The following TNK2 variants were observed in gnomAD, a reference collection of about 807,000 sequenced individuals.
TNK2 encodes activated CDC42 kinase 1.
TNK2 carries 83 observed loss-of-function variants against 101.8 expected under a neutral mutation model. The ratio of observed to expected loss-of-function variants is 0.82; its 90% CI spans 0.68 to 0.98. TNK2 has a LOEUF of 0.98. Among genes scored for constraint, TNK2 ranks in the 50% least tolerant of loss-of-function variants. The pLI, the probability that TNK2 is intolerant of heterozygous loss-of-function variation, is 0.00. For synonymous variants in TNK2, 804 were observed against 633.0 expected (o/e 1.27, Z -4.06); for missense variants, 1,665 against 1,483.2 (o/e 1.12, Z -2.01).
Position 195,888,464 on chromosome 3 carries a change from T to C in TNK2, c.125A>G (p.Lys42Arg), listed in dbSNP as rs1757060259. The change falls in exon 2 of 16, where the codon AAG becomes AGG. Residue 42 changes from lysine to arginine, a missense_variant. Lys to Arg is a conservative substitution (Grantham distance 26). Coordinates refer to ENST00000672887, the MANE Select transcript of TNK2 (RefSeq NM_001382273.1). The surrounding 1 kb of genome is among the most constrained non-coding windows in gnomAD (Gnocchi z 5.3). ...VTRLSHFEYV[K>R]NEDLEKIGMG... The stretch of plus-strand genomic sequence containing the variant: ...GCCGATCTTCTCCAGGTCCTCATTC[T>C]TGACGTACTCAAAGTGGGACAGGCG... 1.9e-6 allele frequency: 3 copies of C among 1,613,932 alleles called. No homozygotes were observed. The highest frequency in any genetic ancestry group is 1.7e-6 in the Non-Finnish European group (2 of 1,179,988).
rs765868482 is a variant in TNK2 at position 195,895,199 on chromosome 3, G to C, written c.-18-6593C>G. ...TGAGCCCGGCTCACAGCAGACGAAGGGGTCTGGGGCCCAGGTATCTGGCTA... is the reference window on the plus strand; with the variant it reads ...TGAGCCCGGCTCACAGCAGACGAAGCGGTCTGGGGCCCAGGTATCTGGCTA... On this transcript the variant is annotated intron_variant, in intron 1 of 15. Transcript: ENST00000672887. 4 of 1,450,916 alleles carry C rather than the reference G, an allele frequency of 2.8e-6. No homozygotes were observed. The South Asian group carries it at 5.8e-5, about 21-fold the overall frequency. 89.9% of individuals were successfully genotyped at this position (1,450,916 alleles called of 1,614,324 possible).
Position 195,886,740 on chromosome 3 carries a change from G to A in TNK2, c.234+237C>T, listed in dbSNP as rs12629675. On this transcript the variant is annotated intron_variant, in intron 3 of 15. Transcript: ENST00000672887. The surrounding 1 kb of genome is among the most constrained non-coding windows in gnomAD (Gnocchi z 4.2). The stretch of plus-strand genomic sequence containing the variant: ...AGGCGTGCCGAGAGGGGCTGTGAAG[G>A]CCTCACCGCACACAGGCTGCTCACG... 6.6e-6 allele frequency among the ~76,000 whole-genome samples: 1 copy of A among 152,278 alleles called. No individual in the cohort carries two copies. Among genetic ancestry groups the A allele is most frequent in the Admixed American group, 6.5e-5 (1 of 15,300 alleles).
chr3:195,869,519 A>G lies in TNK2; in HGVS notation c.1566T>C (p.Pro522=), dbSNP rs182355191. Reference sequence around the variant, plus strand: ...TACTCTGAGTGAAGAAGGCAGGCTGAGGTGGGCGAGGTGGAGGCTCCCCTG... The same window carrying G: ...TACTCTGAGTGAAGAAGGCAGGCTGGGGTGGGCGAGGTGGAGGCTCCCCTG... ...GVKREPPPRP[P]QPAFFTQKPT... Residue 522 remains proline, a synonymous_variant, in exon 12 of 16, where the codon CCT becomes CCC. Transcript: ENST00000672887. 11 of 1,550,988 alleles carry G rather than the reference A, an allele frequency of 7.1e-6. No individual in the cohort carries two copies. The East Asian group carries it at 2.4e-4, about 34-fold the overall frequency.
At chr3:195,884,727 T>C in intron 4 of TNK2, 85 bp downstream of exon 4, 1 of 1,303,884 alleles carries the variant, frequency 7.7e-7, no homozygotes, top group East Asian at 2.5e-5. Flanking sequence ...CCCAGTCCCA[T>C]CCACACCCTG....
chr3:195,868,765 G>A lies in TNK2; in HGVS notation c.1589-56C>T, dbSNP rs571835838. ...GGCAGTCAGGCAGGGTCTGGGACAC[G>A]AGGGGAGGTGGCACGTGGGAGAGAA... On this transcript the variant is annotated intron_variant, in intron 12 of 15. Coordinates refer to ENST00000672887, the MANE Select transcript of TNK2 (RefSeq NM_001382273.1). 82 of 1,478,120 alleles carry A rather than the reference G, an allele frequency of 5.5e-5. 1 individual carries two copies. The East Asian group carries it at 6.6e-4, about 12-fold the overall frequency. 91.6% of individuals were successfully genotyped at this position (1,478,120 alleles called of 1,614,324 possible).
intron 11 of TNK2, 30 bp downstream of exon 11, chr3:195,870,084 A>C: frequency 7.0e-7 from 1 of 1,436,060 alleles, no homozygotes; most frequent in Non-Finnish European, 9.2e-7. Flanking sequence ...CCGATGAGTT[A>C]GGGACACCAG....
Position 195,886,734 on chromosome 3 carries a change from G to A in TNK2, c.234+243C>T, listed in dbSNP as rs1467750696. On this transcript the variant is annotated intron_variant, in intron 3 of 15. Transcript: ENST00000672887. The surrounding 1 kb of genome is among the most constrained non-coding windows in gnomAD (Gnocchi z 4.2). ...TGTTCCAGGCGTGCCGAGAGGGGCT[G>A]TGAAGGCCTCACCGCACACAGGCTG... Among the ~76,000 whole-genome samples the A allele has an allele frequency of 1.3e-5, 2 of 152,224 alleles. No individual in the cohort carries two copies. Among genetic ancestry groups the A allele is most frequent in the Non-Finnish European group, 2.9e-5 (2 of 68,052 alleles).
intron 11 of TNK2, 73 bp from the exon 12 acceptor site, chr3:195,869,614 A>G: frequency 7.0e-7 from 1 of 1,423,868 alleles, no homozygotes; most frequent in Non-Finnish European, 9.7e-7. Flanking sequence ...AGACGGCCGG[A>G]CGAGAGGGCA....
At position 195,889,836 on chromosome 3, in the gene TNK2, G is replaced by A. The variant is rs182666660; in HGVS notation, c.-18-1230C>T. On this transcript the variant is annotated intron_variant, in intron 1 of 15. Coordinates refer to ENST00000672887, the MANE Select transcript of TNK2 (RefSeq NM_001382273.1). ...CTGAGGGCGTGGCCAGGCTAGCCCC[G>A]GACCCATGCTCAATCCCCAAAGAGG... Among the ~76,000 whole-genome samples the A allele has an allele frequency of 6.9e-3, 1,053 of 152,302 alleles. 5 individuals carry two copies. The highest frequency in any genetic ancestry group is 0.011 in the Non-Finnish European group (719 of 68,026).
intron 1 of TNK2, chr3:195,896,213 G>A (rs954880555): frequency 4.8e-6 from 2 of 420,878 alleles, no homozygotes; most frequent in African/African-American, 2.1e-5. Flanking sequence ...GGGCCCCAAG[G>A]CACCGCTTCT....
At chr3:195,887,083 C>T (rs1320106914) in intron 2 of TNK2, 36 bp from the exon 3 acceptor site, 1 of 1,607,550 alleles carries the variant, frequency 6.2e-7, no homozygotes. Flanking sequence ...GCTGTGAAGG[C>T]CGCCGTAGCC....
chr3:195,887,990 G>T (rs959935216), intron 2 of TNK2, among the ~76,000 whole-genome samples: 2 of 151,968 alleles, frequency 1.3e-5, no homozygotes, highest in Admixed American at 6.5e-5. Flanking sequence ...CTGTGCGTGT[G>T]CATGCGTGTG....
At chr3:195,892,385 C>T (rs1406038289) in intron 1 of TNK2, 40 of 1,520,760 alleles carry the variant, frequency 2.6e-5, no homozygotes, top group Non-Finnish European at 3.5e-5. Flanking sequence ...CAGTCCCCAG[C>T]AGTCCAGCCC....
At position 195,867,149 on chromosome 3, in the gene TNK2, T is replaced by C; in HGVS notation, c.3033+20A>G. On this transcript the variant is annotated intron_variant, in intron 14 of 15. Transcript: ENST00000672887. ...GCTTCAGGGTCCCTGAGAGCCAGAGTGAGCAGGAGGTGGCGGTACCTTCAG... is the reference window on the plus strand; with the variant it reads ...GCTTCAGGGTCCCTGAGAGCCAGAGCGAGCAGGAGGTGGCGGTACCTTCAG... 6.2e-7 allele frequency: 1 copy of C among 1,611,402 alleles called. No individual in the cohort carries two copies. The highest frequency in any genetic ancestry group is 8.5e-7 in the Non-Finnish European group (1 of 1,179,240).
At chr3:195,892,842 C>T in intron 1 of TNK2, 1 of 778,372 alleles carries the variant, frequency 1.3e-6, no homozygotes, top group Non-Finnish European at 1.6e-6. Flanking sequence ...CTCCCTCCCT[C>T]CCCAGCTGAG....
At position 195,878,068 on chromosome 3, in the gene TNK2, G is replaced by A. The variant is rs1056449127; in HGVS notation, c.1256+185C>T. On this transcript the variant is annotated intron_variant, in intron 9 of 15. Transcript: ENST00000672887. This position sits in a 1 kb window ranked among gnomAD's most constrained non-coding sequence, Gnocchi z 4.7. ...GGAAAGGGTGGTGGAGGGAAGCTGG[G>A]CAGGGAAAGGCACTAGGAAGACGGA... Among the ~76,000 whole-genome samples the A allele has an allele frequency of 6.6e-6, 1 of 151,938 alleles. No individual in the cohort carries two copies. The highest frequency in any genetic ancestry group is 1.5e-5 in the Non-Finnish European group (1 of 67,958).
chr3:195,867,345 C>G lies in TNK2; in HGVS notation c.2937+16G>C. On this transcript the variant is annotated intron_variant, in intron 13 of 15. Transcript: ENST00000672887. ...GGCCCTGCCCCGCTTCGCCCACAGC[C>G]AGGCTGGGTGCTCACCATCTGGATC... 6.2e-7 allele frequency: 1 copy of G among 1,608,110 alleles called. No homozygotes were observed. Among genetic ancestry groups the G allele is most frequent in the Non-Finnish European group, 8.5e-7 (1 of 1,177,824 alleles).
Position 195,878,370 on chromosome 3 carries a change from G to A in TNK2, c.1162-23C>T. The stretch of plus-strand genomic sequence containing the variant: ...GGCCTGGAGGAAGAGGAAGGTCGTG[G>A]CCAACTCTGGGACTGACGCCTGGGT... On this transcript the variant is annotated intron_variant, in intron 8 of 15. Coordinates refer to ENST00000672887, the MANE Select transcript of TNK2 (RefSeq NM_001382273.1). The surrounding 1 kb of genome is among the most constrained non-coding windows in gnomAD (Gnocchi z 4.7). 6.2e-7 allele frequency: 1 copy of A among 1,613,982 alleles called. No homozygotes were observed. Among genetic ancestry groups the A allele is most frequent in the Middle Eastern group, 1.6e-4 (1 of 6,062 alleles).
chr3:195,879,252 T>C (rs768971566), intron 6 of TNK2, 77 bp from the exon 7 acceptor site: 50 of 1,583,640 alleles, frequency 3.2e-5, no homozygotes, highest in Non-Finnish European at 4.0e-5. Context: ...AAAACACTCA[T>C]GCAGCAAACA....
Sources: gnomAD v4.1 joint callset for allele counts (sites outside exome capture counted in the v4.1 genomes callset) on GRCh38, gnomAD v4.1.1 for gene constraint, Gnocchi (gnomAD v3.1) non-coding constraint, MANE v1.5 for transcripts, NCBI Gene and HGNC (gene_info 2026-07-23, HGNC 2026-07-21) for gene names.